RAP1A: variants seen among roughly 807,000 people sequenced by gnomAD.
RAP1A encodes ras-related protein Rap-1A.
A neutral mutation model predicts 26.4 loss-of-function variants in RAP1A; 6 were observed. That is an observed-to-expected ratio of 0.23 (90% CI 0.12 to 0.45). RAP1A has a LOEUF of 0.45. RAP1A is among the 20% of genes least tolerant of loss of function. RAP1A has a pLI of 0.99. For synonymous variants in RAP1A, 73 were observed against 79.4 expected, an observed-to-expected ratio of 0.92 and a Z score of 0.43; for missense variants, 121 against 217.2, an observed-to-expected ratio of 0.56 and a Z score of 2.78.
chr1:111,649,405 G>T (rs978278420), intron 1 of RAP1A: 1 of 363,874 alleles, frequency 2.7e-6, no homozygotes. Context: ...TGTCCCAGAA[G>T]CTGGTGGAGT....
chr1:111,646,564 G>A (rs937381092), intron 1 of RAP1A, among the ~76,000 whole-genome samples: 3 of 150,742 alleles, frequency 2.0e-5, no homozygotes, highest in East Asian at 3.9e-4. Flanking sequence ...TTTTTTGGAC[G>A]GAGTCTCACT....
At chr1:111,689,296 A>G (rs1295631013) in intron 1 of RAP1A, among the ~76,000 whole-genome samples, 1 of 149,924 alleles carries the variant, frequency 6.7e-6, no homozygotes, top group Admixed American at 6.6e-5. Context: ...TTACACCCCT[A>G]ACCCTTCTAC....
intron 1 of RAP1A, among the ~76,000 whole-genome samples, chr1:111,610,820 G>A (rs965263633): frequency 6.6e-6 from 1 of 152,138 alleles, no homozygotes; most frequent in Non-Finnish European, 1.5e-5. Flanking sequence ...AGCATTTATT[G>A]AGTGCTTACT....
rs1658236172 is a variant in RAP1A, at chr1:111,580,609, G to A, written c.-28+38100G>A. Among the ~76,000 whole-genome samples the A allele has an allele frequency of 4.6e-5, 7 of 152,212 alleles. No homozygotes were observed. In the South Asian group the frequency reaches 1.4e-3, roughly 32 times the overall value. ...CAAGCCTGTAATCCCAGCACTTTGG[G>A]AGGCCAAGGCGGGCGGATCACGAGG... is the stretch of plus-strand genomic sequence containing the variant. On this transcript the variant is annotated intron_variant, in intron 1 of 7. Coordinates refer to the RAP1A transcript ENST00000356415.
chr1:111,681,000 C>G (rs1291868312), intron 1 of RAP1A, among the ~76,000 whole-genome samples: 1 of 152,064 alleles, frequency 6.6e-6, no homozygotes, highest in Non-Finnish European at 1.5e-5. Flanking sequence ...TAATCCCAGC[C>G]CTTTGGGAGG....
intron 4 of RAP1A, among the ~76,000 whole-genome samples, chr1:111,697,917 G>A (rs898639092): frequency 6.6e-6 from 1 of 151,986 alleles, no homozygotes; most frequent in African/African-American, 2.4e-5. Flanking sequence ...CATGTTTTCT[G>A]AGGAAGGCAA....
intron 1 of RAP1A, among the ~76,000 whole-genome samples, chr1:111,662,633 G>A (rs1170712925): frequency 1.3e-5 from 2 of 152,090 alleles, no homozygotes; most frequent in African/African-American, 2.4e-5. Context: ...AATAAACAGC[G>A]ATTCTAATAG....
At chr1:111,682,390 TAA>T (rs1203834155) in intron 1 of RAP1A, among the ~76,000 whole-genome samples, 1 of 151,218 alleles carries the variant, frequency 6.6e-6, no homozygotes, top group Admixed American at 6.6e-5. Flanking sequence ...GCAAATTGGA[TAA>T]AGAGTCAAGA....
chr1:111,586,803 A>T (rs1658372642), intron 1 of RAP1A, among the ~76,000 whole-genome samples: 1 of 152,240 alleles, frequency 6.6e-6, no homozygotes, highest in African/African-American at 2.4e-5. Context: ...AAGGCACTTT[A>T]CTGCCTTCTT....
intron 4 of RAP1A, among the ~76,000 whole-genome samples, chr1:111,697,907 C>T (rs1407154022): frequency 5.3e-5 from 8 of 151,980 alleles, no homozygotes. Context: ...GTGACAGATA[C>T]ATGTTTTCTG....
chr1:111,552,077 G>A (rs1279419071), intron 1 of RAP1A, among the ~76,000 whole-genome samples: 1 of 152,200 alleles, frequency 6.6e-6, no homozygotes, highest in Non-Finnish European at 1.5e-5. Flanking sequence ...GTTATCCATT[G>A]TCTCAGTAGC....
At chr1:111,665,525 T>A (rs1049164788) in intron 1 of RAP1A, among the ~76,000 whole-genome samples, 30 of 152,216 alleles carry the variant, frequency 2.0e-4, no homozygotes, top group African/African-American at 7.2e-4. Context: ...CTGCATGGTT[T>A]ACAAATTTTT....
rs1348170489 is a variant in RAP1A, at chr1:111,712,697, A to G, written c.*296A>G. On this transcript the variant is annotated 3_prime_UTR_variant, in exon 8 of 8. Coordinates refer to ENST00000369709, the MANE Select transcript of RAP1A (RefSeq NM_002884.4). ...AATATGATTATACAAAAGAGCATGGATGCATTTCAAATGTTAGATATTGCT... is the reference window on the plus strand; with the variant it reads ...AATATGATTATACAAAAGAGCATGGGTGCATTTCAAATGTTAGATATTGCT... The G allele has an allele frequency of 6.6e-6, 1 of 152,532 alleles. No homozygotes were observed. Among genetic ancestry groups the G allele is most frequent in the African/African-American group, 2.4e-5 (1 of 41,458 alleles). The allele number at this position is 152,532 out of a possible 1,614,324, so 9.4% of individuals were successfully genotyped here.
chr1:111,587,933 G>A (rs1658408794), intron 1 of RAP1A, among the ~76,000 whole-genome samples: 1 of 151,966 alleles, frequency 6.6e-6, no homozygotes, highest in Non-Finnish European at 1.5e-5. Flanking sequence ...TCTTTGGTCA[G>A]ACAGAAAAAA....
intron 1 of RAP1A, among the ~76,000 whole-genome samples, chr1:111,678,269 A>G (rs1469205690): frequency 1.3e-5 from 2 of 152,210 alleles, no homozygotes; most frequent in Non-Finnish European, 2.9e-5. Context: ...ATAGCTCTCT[A>G]TTAAGTCTTT....
intron 6 of RAP1A, among the ~76,000 whole-genome samples, chr1:111,706,445 C>T (rs1192521513): frequency 6.6e-6 from 1 of 151,518 alleles, no homozygotes; most frequent in Non-Finnish European, 1.5e-5. Context: ...AAAGAGCCCC[C>T]TAATTCATTC....
In RAP1A at chr1:111,620,088, G is replaced by T. The variant is rs1030039057; in HGVS notation, c.-28+154G>T. On this transcript the variant is annotated intron_variant, in intron 1 of 7. Coordinates refer to ENST00000369709, the MANE Select transcript of RAP1A (RefSeq NM_002884.4). Reference sequence around the variant, plus strand: ...TCGGTGTCGGGGCGGCGGCCCGGGGGCCTGGCCGGCGGGAGGGGCCGGAGA... The same window carrying T: ...TCGGTGTCGGGGCGGCGGCCCGGGGTCCTGGCCGGCGGGAGGGGCCGGAGA... Among the ~76,000 whole-genome samples, 10 of 152,178 alleles carry T rather than the reference G, an allele frequency of 6.6e-5. No homozygotes were observed. The South Asian group carries it at 1.9e-3, about 28-fold the overall frequency.
chr1:111,688,251 G>T (rs1164323225), intron 1 of RAP1A, among the ~76,000 whole-genome samples: 1 of 147,892 alleles, frequency 6.8e-6, no homozygotes, highest in Non-Finnish European at 1.5e-5. Flanking sequence ...GTCTTGCATA[G>T]CTTCACAAGA....
At chr1:111,636,988 G>A (rs535378280) in intron 1 of RAP1A, among the ~76,000 whole-genome samples, 1 of 152,166 alleles carries the variant, frequency 6.6e-6, no homozygotes, top group East Asian at 1.9e-4. Context: ...AAGCTACTCC[G>A]GTATACCTCA....
Sources: allele counts gnomAD v4.1 joint callset (sites outside exome capture counted in the v4.1 genomes callset), GRCh38; gene constraint gnomAD v4.1.1; transcripts MANE v1.5; gene names NCBI Gene and HGNC (gene_info 2026-07-23, HGNC 2026-07-21).